The following WWOX variants were observed in gnomAD, a reference collection of about 807,000 sequenced individuals.
WWOX encodes the protein WW domain-containing oxidoreductase.
WWOX carries 69 observed loss-of-function variants against 46.2 expected under a neutral mutation model. The observed-to-expected ratio is 1.49, with a 90% confidence interval of 1.23 to 1.82. The LOEUF is 1.82. WWOX is among the 40% of genes most tolerant of loss of function. The pLI, the probability that WWOX is intolerant of heterozygous loss-of-function variation, is 0.00. For synonymous variants in WWOX, 359 were observed against 202.6 expected (o/e 1.77, Z -6.56); for missense variants, 919 against 542.6 (o/e 1.69, Z -6.89).
intron 8 of WWOX, among the ~76,000 whole-genome samples, chr16:78,613,669 C>T (rs553245072): frequency 6.6e-6 from 1 of 152,128 alleles, no homozygotes; most frequent in Non-Finnish European, 1.5e-5. Context: ...TGCAGAATAC[C>T]TGGGAAAGCT....
At chr16:79,124,804 T>C (rs566544142) in intron 8 of WWOX, among the ~76,000 whole-genome samples, 2 of 152,292 alleles carry the variant, frequency 1.3e-5, no homozygotes, top group Admixed American at 6.5e-5. Flanking sequence ...TATAAAAGTA[T>C]AAACCAATGA....
chr16:78,890,098 CAT>C (rs914912169), intron 8 of WWOX: 5 of 152,134 alleles, frequency 3.3e-5, no homozygotes, highest in South Asian at 2.1e-4. Flanking sequence ...CATACACACA[CAT>C]GTACACACAT....
Position 79,211,849 on chromosome 16 carries a change from C to A in WWOX, c.*53C>A, listed in dbSNP as rs146481440. The A allele has an allele frequency of 2.1e-3, 3,413 of 1,609,622 alleles. 67 individuals carry two copies. In the Admixed American group the frequency reaches 0.04, roughly 19 times the overall value. On this transcript the variant is annotated 3_prime_UTR_variant, in exon 9 of 9. Transcript: ENST00000566780. Reference sequence around the variant, plus strand: ...CACCCGCCCTGTGTGTGTCCCCTCACGCAAGTGCCAGGGCTGGGCCCCTTC... The same window carrying A: ...CACCCGCCCTGTGTGTGTCCCCTCAAGCAAGTGCCAGGGCTGGGCCCCTTC...
intron 8 of WWOX, among the ~76,000 whole-genome samples, chr16:79,175,881 C>G (rs1350030956): frequency 6.6e-6 from 1 of 152,172 alleles, no homozygotes; most frequent in Non-Finnish European, 1.5e-5. Context: ...CACTAACAGC[C>G]ACATCCTTTC....
intron 8 of WWOX, among the ~76,000 whole-genome samples, chr16:78,762,470 T>G (rs2049818488): frequency 6.6e-6 from 1 of 152,134 alleles, no homozygotes; most frequent in Admixed American, 6.5e-5. Flanking sequence ...AAGTGAGCCT[T>G]CCTTATGTGC....
intron 8 of WWOX, among the ~76,000 whole-genome samples, chr16:78,660,108 G>A (rs1226361220): frequency 6.6e-6 from 1 of 152,162 alleles, no homozygotes; most frequent in Admixed American, 6.5e-5. Context: ...TTTTTAGCAA[G>A]CTTTTTGGAT....
At chr16:78,845,148 T>A (rs1456150863) in intron 8 of WWOX, among the ~76,000 whole-genome samples, 1 of 145,872 alleles carries the variant, frequency 6.9e-6, no homozygotes, top group Non-Finnish European at 1.5e-5. Context: ...TTTTTTTTTT[T>A]AATCAAATAC....
At chr16:78,301,949 G>A (rs1315750106) in intron 5 of WWOX, among the ~76,000 whole-genome samples, 1 of 151,572 alleles carries the variant, frequency 6.6e-6, no homozygotes, top group Non-Finnish European at 1.5e-5. Flanking sequence ...TCTAAAATTA[G>A]ATGAGGGTGT....
intron 8 of WWOX, among the ~76,000 whole-genome samples, chr16:78,901,769 G>A (rs1385975775): frequency 1.3e-5 from 2 of 152,214 alleles, no homozygotes; most frequent in African/African-American, 2.4e-5. Flanking sequence ...GATTACAGGC[G>A]TGAGCCACTG....
Position 78,565,893 on chromosome 16 carries a change from TC to T in WWOX, c.1056+133142del, listed in dbSNP as rs199573439. Among the ~76,000 whole-genome samples, 842 of 149,486 alleles carry T rather than the reference TC, an allele frequency of 5.6e-3. 13 individuals are homozygous for T. Among genetic ancestry groups the T allele is most frequent in the African/African-American group, 0.02 (806 of 40,574 alleles). ...AATGTGGGTAAGACCATCACATTTT[TC>T]ATCCCCCGCCCCCCGCCCCCAACAT... On this transcript the variant is annotated intron_variant, in intron 8 of 8. Transcript: ENST00000566780.
chr16:78,410,841 C>T (rs893325763), intron 6 of WWOX, among the ~76,000 whole-genome samples: 4 of 150,398 alleles, frequency 2.7e-5, no homozygotes, highest in Admixed American at 2.7e-4. Context: ...TAGCTGGGGC[C>T]AAGGTCATCT....
At chr16:78,780,795 TA>T (rs1355344544) in intron 8 of WWOX, among the ~76,000 whole-genome samples, 1 of 152,070 alleles carries the variant, frequency 6.6e-6, no homozygotes, top group East Asian at 1.9e-4. Flanking sequence ...TAGGATGGGA[TA>T]GGGGATCGTG....
intron 8 of WWOX, among the ~76,000 whole-genome samples, chr16:78,670,591 A>G (rs1300391116): frequency 6.6e-6 from 1 of 152,154 alleles, no homozygotes; most frequent in Non-Finnish European, 1.5e-5. Context: ...GCTGTACTAG[A>G]TGAATAATGT....
At chr16:78,231,151 T>G (rs933064824) in intron 5 of WWOX, among the ~76,000 whole-genome samples, 4 of 152,242 alleles carry the variant, frequency 2.6e-5, no homozygotes, top group Non-Finnish European at 1.5e-5. Context: ...AGTTTAGTTT[T>G]GTTTTTTAAG....
At chr16:78,271,232 T>C (rs1022186789) in intron 5 of WWOX, among the ~76,000 whole-genome samples, 3 of 152,232 alleles carry the variant, frequency 2.0e-5, no homozygotes, top group African/African-American at 7.2e-5. Flanking sequence ...ATGGTTTTTT[T>C]CGTCCACCTG....
At chr16:78,816,385 T>G (rs2051330721) in intron 8 of WWOX, among the ~76,000 whole-genome samples, 1 of 152,148 alleles carries the variant, frequency 6.6e-6, no homozygotes, top group Non-Finnish European at 1.5e-5. Flanking sequence ...TCAGTATTTG[T>G]GCTTTTAATA....
intron 8 of WWOX, among the ~76,000 whole-genome samples, chr16:78,500,948 C>T (rs955388421): frequency 2.0e-5 from 3 of 152,108 alleles, no homozygotes; most frequent in Admixed American, 6.6e-5. Flanking sequence ...GCAGGTACCA[C>T]GCTTAGGTCT....
At chr16:78,197,879 A>T (rs1255601234) in intron 5 of WWOX, among the ~76,000 whole-genome samples, 1 of 152,172 alleles carries the variant, frequency 6.6e-6, no homozygotes, top group African/African-American at 2.4e-5. Context: ...ATATGTTTTA[A>T]CTGCTCATTG....
intron 8 of WWOX, among the ~76,000 whole-genome samples, chr16:79,125,993 C>G (rs1175762361): frequency 1.3e-5 from 2 of 152,168 alleles, no homozygotes; most frequent in African/African-American, 4.8e-5. Context: ...TCAGTACATA[C>G]ATACAGTAGG....
Sources: gnomAD v4.1 joint callset for allele counts (sites outside exome capture counted in the v4.1 genomes callset) on GRCh38, gnomAD v4.1.1 for gene constraint, MANE v1.5 for transcripts, NCBI Gene and HGNC (gene_info 2026-07-23, HGNC 2026-07-21) for gene names.